The following KLHL1 variants were observed in gnomAD, a reference collection of about 807,000 sequenced individuals.
The protein encoded by KLHL1 is kelch like family member 1.
In KLHL1, 47 loss-of-function variants were observed where a neutral mutation model predicts 77.7. That is an observed-to-expected ratio of 0.60 (90% CI 0.48 to 0.77). The LOEUF (loss-of-function observed/expected upper bound fraction) is 0.77, where lower values mean the gene tolerates loss of function less well. Ranked by LOEUF, KLHL1 falls within the 30% of genes least tolerant of loss-of-function variation. The probability of loss-of-function intolerance (pLI) is 0.00; values close to 1 mark genes in which losing one functional copy is unlikely to be tolerated. For missense variants in KLHL1, 925 were observed against 910.8 expected, an observed-to-expected ratio of 1.02 and a Z score of -0.20; for synonymous variants, 360 against 325.2, an observed-to-expected ratio of 1.11 and a Z score of -1.15.
At chr13:69,711,951 G>A (rs1369232910) in intron 9 of KLHL1, among the ~76,000 whole-genome samples, 1 of 152,016 alleles carries the variant, frequency 6.6e-6, no homozygotes, top group Non-Finnish European at 1.5e-5. Context: ...ATTTTAATTT[G>A]CATTTCCCTG....
intron 7 of KLHL1, among the ~76,000 whole-genome samples, chr13:69,767,276 C>T (rs1246630365): frequency 1.3e-5 from 2 of 152,068 alleles, no homozygotes; most frequent in Admixed American, 6.6e-5. Context: ...AAAACATGTA[C>T]ATAAATTTTG....
chr13:70,035,902 TC>T (rs1886227303), intron 1 of KLHL1, among the ~76,000 whole-genome samples: 7 of 152,020 alleles, frequency 4.6e-5, no homozygotes, highest in Admixed American at 4.6e-4. Flanking sequence ...AAAAAAAGTG[TC>T]AAAAAGCACA....
chr13:70,105,267 G>A (rs1462695245), intron 1 of KLHL1, among the ~76,000 whole-genome samples: 1 of 151,770 alleles, frequency 6.6e-6, no homozygotes, highest in Non-Finnish European at 1.5e-5. Flanking sequence ...TAAGTCTGGT[G>A]TTTTTTCCCT....
At chr13:69,955,843 C>T (rs1021322205) in intron 3 of KLHL1, among the ~76,000 whole-genome samples, 1 of 143,560 alleles carries the variant, frequency 7.0e-6, no homozygotes, top group Admixed American at 7.2e-5. Context: ...TTGTTTTGCT[C>T]CATTTTTAAA....
intron 7 of KLHL1, among the ~76,000 whole-genome samples, chr13:69,757,416 A>G (rs1874799556): frequency 6.6e-6 from 1 of 152,178 alleles, no homozygotes. Context: ...AACACATATT[A>G]ATAATATATC....
At chr13:69,773,519 G>A (rs1051969148) in intron 7 of KLHL1, among the ~76,000 whole-genome samples, 1 of 151,776 alleles carries the variant, frequency 6.6e-6, no homozygotes, top group Non-Finnish European at 1.5e-5. Context: ...AGTAATAAAT[G>A]GTAATAAGAG....
intron 1 of KLHL1, among the ~76,000 whole-genome samples, chr13:70,106,915 A>G (rs1022942786): frequency 5.3e-5 from 8 of 152,222 alleles, no homozygotes; most frequent in African/African-American, 1.9e-4. Context: ...CCATAATCTC[A>G]GGAATATGAG....
At chr13:69,919,076 T>G (rs1882541132) in intron 4 of KLHL1, among the ~76,000 whole-genome samples, 2 of 152,180 alleles carry the variant, frequency 1.3e-5, no homozygotes, top group East Asian at 3.9e-4. Flanking sequence ...TGGTCTACCT[T>G]GTCTAACACC....
chr13:70,035,915 T>C (rs561178621), intron 1 of KLHL1, among the ~76,000 whole-genome samples: 6 of 152,128 alleles, frequency 3.9e-5, no homozygotes, highest in African/African-American at 1.4e-4. Context: ...AAAAGCACAA[T>C]TGGTGAAGGA....
intron 1 of KLHL1, among the ~76,000 whole-genome samples, chr13:70,096,327 C>T (rs1887788325): frequency 6.6e-6 from 1 of 151,588 alleles, no homozygotes; most frequent in Admixed American, 6.6e-5. Context: ...ATGAGGGCTC[C>T]CCTTTCTCTG....
chr13:69,720,143 A>C (rs1270353096), intron 8 of KLHL1, among the ~76,000 whole-genome samples: 1 of 152,140 alleles, frequency 6.6e-6, no homozygotes, highest in African/African-American at 2.4e-5. Flanking sequence ...GGAAAAAAGA[A>C]TGCAACAATG....
intron 1 of KLHL1, among the ~76,000 whole-genome samples, chr13:70,015,708 C>T (rs1885640883): frequency 6.6e-6 from 1 of 152,140 alleles, no homozygotes; most frequent in Admixed American, 6.5e-5. Flanking sequence ...TTAAGGTAGG[C>T]TAGCCTAAGC....
chr13:69,701,890 G>T, intron 10 of KLHL1, 129 bp from the exon 11 acceptor site: 1 of 593,090 alleles, frequency 1.7e-6, no homozygotes, highest in Non-Finnish European at 2.7e-6. Flanking sequence ...GCCAGAAGTA[G>T]TACAGTAAAA....
At chr13:69,999,285 A>G (rs764656273) in intron 1 of KLHL1, among the ~76,000 whole-genome samples, 7 of 151,976 alleles carry the variant, frequency 4.6e-5, no homozygotes, top group Admixed American at 1.3e-4. Flanking sequence ...CTTAAATGAG[A>G]GCATGATTAC....
intron 7 of KLHL1, among the ~76,000 whole-genome samples, chr13:69,781,988 C>T (rs1452456397): frequency 6.6e-6 from 1 of 152,128 alleles, no homozygotes; most frequent in Non-Finnish European, 1.5e-5. Flanking sequence ...TCAATTGCAG[C>T]AAACATTTTA....
At chr13:70,088,785 TC>T (rs1229147822) in intron 1 of KLHL1, among the ~76,000 whole-genome samples, 1 of 152,166 alleles carries the variant, frequency 6.6e-6, no homozygotes, top group African/African-American at 2.4e-5. Context: ...TAGACATTTT[TC>T]TCATTTATAC....
intron 1 of KLHL1, among the ~76,000 whole-genome samples, chr13:70,027,645 G>GT (rs577155848): frequency 5.1e-3 from 109 of 21,310 alleles, no homozygotes; most frequent in Middle Eastern, 0.025. Context: ...AGCGCAAAAT[G>GT]TAAGTTGTTT....
rs575472232 is a variant in KLHL1, at chr13:70,013,439, C to T, written c.498-37637G>A. Reference sequence around the variant, plus strand: ...AGCTTCCATCTCTCACCACAGGTTTCTTTCCTTGTTGCTAACTTGGAGAAA... The same window carrying T: ...AGCTTCCATCTCTCACCACAGGTTTTTTTCCTTGTTGCTAACTTGGAGAAA... On this transcript the variant is annotated intron_variant, in intron 1 of 10. Transcript: ENST00000377844. Among the ~76,000 whole-genome samples the T allele has an allele frequency of 6.6e-5, 10 of 152,236 alleles. No homozygotes were observed. The South Asian group carries it at 2.1e-3, about 32-fold the overall frequency.
chr13:69,914,140 G>A (rs1046656369), intron 4 of KLHL1, among the ~76,000 whole-genome samples: 10 of 152,060 alleles, frequency 6.6e-5, no homozygotes, highest in East Asian at 1.9e-4. Context: ...GCTTGCAGAC[G>A]GCCTATTGTG....
Sources: allele counts gnomAD v4.1 joint callset (sites outside exome capture counted in the v4.1 genomes callset), GRCh38; gene constraint gnomAD v4.1.1; transcripts MANE v1.5; gene names NCBI Gene and HGNC (gene_info 2026-07-23, HGNC 2026-07-21).